Variants in DKK2 observed in about 807,000 individuals in gnomAD.
DKK2 encodes dickkopf-related protein 2.
A neutral mutation model predicts 28.1 loss-of-function variants in DKK2; 11 were observed. The ratio of observed to expected loss-of-function variants is 0.39; its 90% confidence interval spans 0.25 to 0.65. The LOEUF (loss-of-function observed/expected upper bound fraction) is 0.65. DKK2 is among the 30% of genes least tolerant of loss of function. The pLI is 0.47. For synonymous variants in DKK2, 135 were observed against 126.5 expected, an observed-to-expected ratio of 1.07 and a Z score of -0.45; for missense variants, 326 against 335.5, an observed-to-expected ratio of 0.97 and a Z score of 0.22.
intron 1 of DKK2, among the ~76,000 whole-genome samples, chr4:107,005,714 T>C (rs1204699464): frequency 6.6e-6 from 1 of 152,158 alleles, no homozygotes; most frequent in East Asian, 1.9e-4. Flanking sequence ...GGAGTTAAAA[T>C]GAGGAGATTT....
chr4:106,989,313 G>C (rs775788433), intron 1 of DKK2, among the ~76,000 whole-genome samples: 2 of 152,098 alleles, frequency 1.3e-5, no homozygotes, highest in Non-Finnish European at 2.9e-5. Flanking sequence ...GGACTATAAA[G>C]CCAAGCAAAC....
chr4:107,027,086 CTT>C (rs1056792320), intron 1 of DKK2, among the ~76,000 whole-genome samples: 5 of 152,030 alleles, frequency 3.3e-5, no homozygotes, highest in Non-Finnish European at 7.4e-5. Flanking sequence ...CAAAAAATAA[CTT>C]AGGTATAAGG....
intron 1 of DKK2, among the ~76,000 whole-genome samples, chr4:106,989,079 C>T (rs1422450511): frequency 1.3e-5 from 2 of 152,156 alleles, no homozygotes; most frequent in Non-Finnish European, 2.9e-5. Flanking sequence ...AGCAATTTTT[C>T]ATAGGAGTAT....
At chr4:106,970,354 T>A (rs980920118) in intron 1 of DKK2, among the ~76,000 whole-genome samples, 6 of 152,058 alleles carry the variant, frequency 3.9e-5, no homozygotes, top group Admixed American at 3.9e-4. Flanking sequence ...TGGTTACCTA[T>A]TTTTGCCAAT....
rs1373852594 is a variant in DKK2 at position 106,957,747 on chromosome 4, C to T, written c.223-31798G>A. On this transcript the variant is annotated intron_variant, in intron 1 of 3. Coordinates refer to ENST00000285311, the MANE Select transcript of DKK2 (RefSeq NM_014421.3). ...GAAGGGGAACATCACACTCTGGGGA[C>T]TGTTGTGGGGTGGGGGGAGGGGGGA... Among the ~76,000 whole-genome samples, 4 of 87,832 alleles carry T rather than the reference C, an allele frequency of 4.6e-5. No homozygotes were observed. In the Admixed American group the frequency reaches 5.8e-4, roughly 13 times the overall value. The allele number at this position is 87,832 out of a possible 152,430, so 57.6% of individuals were successfully genotyped here.
At chr4:106,929,995 A>G (rs557873425) in intron 1 of DKK2, among the ~76,000 whole-genome samples, 1 of 152,262 alleles carries the variant, frequency 6.6e-6, no homozygotes, top group Admixed American at 6.5e-5. Context: ...TATGTGCTGA[A>G]GTTAGAGGTT....
intron 1 of DKK2, among the ~76,000 whole-genome samples, chr4:106,978,495 T>A (rs538825351): frequency 6.6e-6 from 1 of 152,208 alleles, no homozygotes; most frequent in African/African-American, 2.4e-5. Flanking sequence ...GGAGCTGCGG[T>A]GGGCTCTGCC....
At chr4:106,956,354 C>T (rs1366986373) in intron 1 of DKK2, among the ~76,000 whole-genome samples, 2 of 152,194 alleles carry the variant, frequency 1.3e-5, no homozygotes, top group Non-Finnish European at 2.9e-5. Flanking sequence ...TCAATGCCAT[C>T]CCCATCAAGC....
intron 1 of DKK2, among the ~76,000 whole-genome samples, chr4:106,962,491 ATGTGTGTGTGTG>A (rs59831895): frequency 0.056 from 6,588 of 117,528 alleles, 230 homozygotes; most frequent in East Asian, 0.12. Context: ...CAGAAAAACT[ATGTGTGTGTGTG>A]TGTGTGTGTG....
At chr4:106,997,114 T>A (rs1022867422) in intron 1 of DKK2, among the ~76,000 whole-genome samples, 1 of 152,138 alleles carries the variant, frequency 6.6e-6, no homozygotes, top group Non-Finnish European at 1.5e-5. Flanking sequence ...TTTTACCTCA[T>A]GCAAAACTCA....
At chr4:106,929,278 A>G (rs904180885) in intron 1 of DKK2, among the ~76,000 whole-genome samples, 7 of 152,164 alleles carry the variant, frequency 4.6e-5, no homozygotes, top group South Asian at 2.1e-4. Context: ...ATGGCTCTTC[A>G]TTTACCTGGA....
chr4:106,975,212 TTG>T (rs988701115), intron 1 of DKK2, among the ~76,000 whole-genome samples: 20 of 152,134 alleles, frequency 1.3e-4, no homozygotes, highest in African/African-American at 4.8e-4. Context: ...TCTTTTTTGG[TTG>T]TGTCTCTGCC....
intron 1 of DKK2, among the ~76,000 whole-genome samples, chr4:106,940,794 T>C (rs2110343522): frequency 6.6e-6 from 1 of 152,264 alleles, no homozygotes; most frequent in Non-Finnish European, 1.5e-5. Context: ...AAAGGATGGG[T>C]TCATGTCCTT....
intron 1 of DKK2, among the ~76,000 whole-genome samples, chr4:106,999,110 C>T (rs1723319675): frequency 6.6e-6 from 1 of 152,106 alleles, no homozygotes; most frequent in Admixed American, 6.5e-5. Context: ...ATCCTGACCC[C>T]ACAGCTAAGT....
In DKK2 at chr4:106,923,878, C is replaced by T. The variant is rs1025799393; in HGVS notation, c.*76G>A. ...TTTAGCCATTCTTCTGCATCTGAACCTTATTTTCCACCATGCTATAATGCA... is the reference window on the plus strand; with the variant it reads ...TTTAGCCATTCTTCTGCATCTGAACTTTATTTTCCACCATGCTATAATGCA... On this transcript the variant is annotated 3_prime_UTR_variant, in exon 4 of 4. Transcript: ENST00000285311. The T allele has an allele frequency of 1.3e-5, 20 of 1,566,186 alleles. No individual in the cohort carries two copies. Among genetic ancestry groups the T allele is most frequent in the Non-Finnish European group, 1.7e-5 (20 of 1,150,708 alleles).
chr4:106,924,521 C>A (rs752061642), intron 3 of DKK2, 24 bp downstream of exon 3: 379 of 1,599,100 alleles, frequency 2.4e-4, no homozygotes, highest in Non-Finnish European at 2.8e-4. Flanking sequence ...TTTAAAAAAA[C>A]CCCAGAACTA....
At chr4:107,027,205 G>C (rs150240056) in intron 1 of DKK2, among the ~76,000 whole-genome samples, 17 of 152,128 alleles carry the variant, frequency 1.1e-4, no homozygotes, top group Admixed American at 1.3e-4. Context: ...TCAAAGGGTT[G>C]AGAGGAAATA....
intron 1 of DKK2, among the ~76,000 whole-genome samples, chr4:107,007,390 A>G (rs1723452080): frequency 6.6e-6 from 1 of 152,190 alleles, no homozygotes; most frequent in Admixed American, 6.5e-5. Context: ...TTTCCTTGCC[A>G]AAATAGAGCA....
intron 1 of DKK2, among the ~76,000 whole-genome samples, chr4:107,028,631 A>C (rs1008765693): frequency 1.3e-5 from 2 of 152,192 alleles, no homozygotes; most frequent in Non-Finnish European, 2.9e-5. Flanking sequence ...TGGTGAGTGG[A>C]ATTTAAAACC....
Sources: gnomAD v4.1 joint callset for allele counts (sites outside exome capture counted in the v4.1 genomes callset) on GRCh38, gnomAD v4.1.1 for gene constraint, MANE v1.5 for transcripts, NCBI Gene and HGNC (gene_info 2026-07-23, HGNC 2026-07-21) for gene names.